The following PARM1 variants were observed in gnomAD, a reference collection of about 807,000 sequenced individuals.
PARM1 encodes WSC4, cell wall integrity and stress response component 4 homolog.
PARM1 carries 14 observed loss-of-function variants against 24.6 expected under a neutral mutation model. The ratio of observed to expected loss-of-function variants is 0.57; its 90% CI spans 0.38 to 0.89. The LOEUF is 0.89. PARM1 is among the 40% of genes least tolerant of loss of function. PARM1 has a pLI of 0.00. For missense variants in PARM1, 362 were observed against 380.4 expected (o/e 0.95, Z 0.40); for synonymous variants, 179 against 156.6 (o/e 1.14, Z -1.07).
intron 1 of PARM1, chr4:74,969,920 GGCTGA>G (rs1458525701): frequency 4.6e-5 from 7 of 152,190 alleles, no homozygotes; most frequent in Non-Finnish European, 8.8e-5. Flanking sequence ...GAGATCTGTG[GGCTGA>G]GCTCCCAGGG....
intron 1 of PARM1, among the ~76,000 whole-genome samples, chr4:74,940,151 A>G (rs1242307056): frequency 6.6e-6 from 1 of 152,224 alleles, no homozygotes; most frequent in East Asian, 1.9e-4. Context: ...AGTTAACAAA[A>G]TACATGTTAC....
chr4:75,049,709 G>A lies in PARM1; in HGVS notation c.*3462G>A, dbSNP rs1054020982. 2 of 152,674 alleles carry A rather than the reference G, an allele frequency of 1.3e-5. No individual in the cohort carries two copies. Among genetic ancestry groups the A allele is most frequent in the African/African-American group, 4.8e-5 (2 of 41,466 alleles). 9.5% of individuals were successfully genotyped at this position (152,674 alleles called of 1,614,324 possible). A position where few individuals can be genotyped will look rare whatever the true frequency, so the allele number is the denominator to read the frequency against. On this transcript the variant is annotated 3_prime_UTR_variant, in exon 4 of 4. Coordinates refer to ENST00000307428, the MANE Select transcript of PARM1 (RefSeq NM_015393.4). ...CCATCTGAGGTCTTCTGGATTCTTT[G>A]TGGGGTTAATTTTGATTTGATGTCA...
At chr4:74,973,523 G>A (rs1007564152) in intron 1 of PARM1, among the ~76,000 whole-genome samples, 3 of 126,354 alleles carry the variant, frequency 2.4e-5, no homozygotes, top group African/African-American at 6.1e-5. Context: ...AGAGACATTC[G>A]TCTTCTGGAG....
chr4:74,939,802 A>C (rs1424832411), intron 1 of PARM1, among the ~76,000 whole-genome samples: 1 of 152,226 alleles, frequency 6.6e-6, no homozygotes, highest in Non-Finnish European at 1.5e-5. Context: ...TGAATACCTT[A>C]TTGTTAAGTG....
At chr4:75,015,909 T>C (rs978781719) in intron 2 of PARM1, among the ~76,000 whole-genome samples, 2 of 152,188 alleles carry the variant, frequency 1.3e-5, no homozygotes, top group African/African-American at 4.8e-5. Context: ...GGTTACTATT[T>C]TGGGATGCTC....
At chr4:75,001,495 G>A (rs1722679708) in intron 1 of PARM1, among the ~76,000 whole-genome samples, 1 of 152,194 alleles carries the variant, frequency 6.6e-6, no homozygotes, top group Non-Finnish European at 1.5e-5. Context: ...AGGACATGAG[G>A]GGGTGTTCCG....
chr4:74,958,345 G>A (rs540031456), intron 1 of PARM1, among the ~76,000 whole-genome samples: 2 of 152,308 alleles, frequency 1.3e-5, no homozygotes, highest in Admixed American at 1.3e-4. Context: ...GGCCATACAT[G>A]TGTACTGAGA....
At position 75,012,759 on chromosome 4, in the gene PARM1, C is replaced by A. The variant is rs1347695061; in HGVS notation, c.378C>A (p.Ser126Arg). The A allele has an allele frequency of 6.2e-7, 1 of 1,614,010 alleles. No individual in the cohort carries two copies. Among genetic ancestry groups the A allele is most frequent in the Non-Finnish European group, 8.5e-7 (1 of 1,179,892 alleles). ...VHLTTTLEEH[S>R]SGTPEAGVAA... ...TAACAACCACGTTGGAGGAACACAGCTCGGGCACTCCTGAAGCAGGCGTGG... is the reference window on the plus strand; with the variant it reads ...TAACAACCACGTTGGAGGAACACAGATCGGGCACTCCTGAAGCAGGCGTGG... Residue 126 changes from serine to arginine, a missense_variant, in exon 2 of 4, where the codon AGC becomes AGA. Physicochemically the swap from Ser to Arg is moderately radical, Grantham distance 110. Transcript: ENST00000307428.
At position 74,975,058 on chromosome 4, in the gene PARM1, G is replaced by A. The variant is rs1406823446; in HGVS notation, c.44-37367G>A. Reference sequence around the variant, plus strand: ...GCAGCCAAAGCAAGTAATATGGGCAGCATCAGACACTGCATCAGACATTTG... The same window carrying A: ...GCAGCCAAAGCAAGTAATATGGGCAACATCAGACACTGCATCAGACATTTG... On this transcript the variant is annotated intron_variant, in intron 1 of 3. Coordinates refer to ENST00000307428, the MANE Select transcript of PARM1 (RefSeq NM_015393.4). Among the ~76,000 whole-genome samples, 5 of 152,308 alleles carry A rather than the reference G, an allele frequency of 3.3e-5. No individual in the cohort carries two copies. In the East Asian group the frequency reaches 9.6e-4, roughly 29 times the overall value.
At position 75,012,452 on chromosome 4, in the gene PARM1, C is replaced by G; in HGVS notation, c.71C>G (p.Ser24Ter). 1 of 1,613,910 alleles carries G rather than the reference C, an allele frequency of 6.2e-7. No individual in the cohort carries two copies. The highest frequency in any genetic ancestry group is 1.1e-5 in the South Asian group (1 of 91,076). ...TGGAGGGTACAGAGTCTGCCTACAT[C>G]AGCTCCTTTGTCTGTTTCTCTTCCG... ...AGWRVQSLPT[S>*]APLSVSLPTN... Residue 24 changes from serine to a stop codon, truncating the protein, a stop_gained, in exon 2 of 4, where the codon TCA becomes TGA. Transcript: ENST00000307428. LOFTEE classifies it high-confidence loss of function.
rs987119072 is a variant in PARM1, at chr4:75,000,102, C to T, written c.44-12323C>T. ...GATGTGGGAAGCACTCCATTCCTGA[C>T]GCTCAGAGCTGATGCCATGAGGAGT... On this transcript the variant is annotated intron_variant, in intron 1 of 3. Transcript: ENST00000307428. 3.9e-5 allele frequency among the ~76,000 whole-genome samples: 6 copies of T among 152,134 alleles called. No individual in the cohort carries two copies. The East Asian group carries it at 5.8e-4, about 15-fold the overall frequency.
At chr4:74,975,226 C>G (rs1343644633) in intron 1 of PARM1, among the ~76,000 whole-genome samples, 1 of 152,170 alleles carries the variant, frequency 6.6e-6, no homozygotes, top group Non-Finnish European at 1.5e-5. Flanking sequence ...CTTTAAAAAA[C>G]CAAGCATCTT....
chr4:75,015,080 C>G (rs1722956245), intron 2 of PARM1, among the ~76,000 whole-genome samples: 1 of 152,216 alleles, frequency 6.6e-6, no homozygotes, highest in African/African-American at 2.4e-5. Context: ...ACCAGCCACT[C>G]TCTCTTCACT....
chr4:74,933,335 A>G lies in PARM1; in HGVS notation c.8A>G (p.Tyr3Cys). 1 of 1,612,506 alleles carries G rather than the reference A, an allele frequency of 6.2e-7. No individual in the cohort carries two copies. Among genetic ancestry groups the G allele is most frequent in the Non-Finnish European group, 8.5e-7 (1 of 1,179,400 alleles). The part of the protein sequence containing the change: MV[Y>C]KTLFALCILT... ...ACCAAATACCAGGCTACCATGGTCT[A>G]CAAGACTCTCTTCGCTCTTTGCATC... is the stretch of plus-strand genomic sequence containing the variant. The change falls in exon 1 of 4, where the codon TAC becomes TGC. Residue 3 changes from tyrosine (Y) to cysteine (C), a missense_variant. Physicochemically the swap from Tyr to Cys is radical, Grantham distance 194. Transcript: ENST00000307428.
At chr4:74,974,986 A>C (rs1722113263) in intron 1 of PARM1, among the ~76,000 whole-genome samples, 1 of 152,172 alleles carries the variant, frequency 6.6e-6, no homozygotes, top group Non-Finnish European at 1.5e-5. Flanking sequence ...ATGTGGGCAA[A>C]AAATTTTTTG....
intron 1 of PARM1, among the ~76,000 whole-genome samples, chr4:74,965,582 T>C (rs1721885737): frequency 6.6e-6 from 1 of 152,238 alleles, no homozygotes; most frequent in Admixed American, 6.5e-5. Context: ...GAGGTGGGTT[T>C]CACTTTTGAG....
chr4:74,945,106 A>C (rs192255314), intron 1 of PARM1, among the ~76,000 whole-genome samples: 33 of 152,356 alleles, frequency 2.2e-4, no homozygotes, highest in African/African-American at 7.2e-4. Flanking sequence ...TACAAAAATG[A>C]ATATATTGAC....
chr4:74,973,250 G>A (rs1722074840), intron 1 of PARM1, among the ~76,000 whole-genome samples: 1 of 152,056 alleles, frequency 6.6e-6, no homozygotes, highest in Admixed American at 6.5e-5. Context: ...TACACATTAT[G>A]TGTAATATAA....
At chr4:74,950,483 T>A (rs1236468034) in intron 1 of PARM1, among the ~76,000 whole-genome samples, 2 of 152,218 alleles carry the variant, frequency 1.3e-5, no homozygotes, top group African/African-American at 4.8e-5. Context: ...TCCAGTCATA[T>A]TGGATTAGGG....
Sources: gnomAD v4.1 joint callset for allele counts (sites outside exome capture counted in the v4.1 genomes callset) on GRCh38, gnomAD v4.1.1 for gene constraint, MANE v1.5 for transcripts, NCBI Gene and HGNC (gene_info 2026-07-23, HGNC 2026-07-21) for gene names.